Variants in PTPRD observed in about 807,000 individuals in gnomAD.
The protein encoded by PTPRD is protein tyrosine phosphatase receptor type D.
Under a neutral mutation model 214.5 loss-of-function variants are expected in PTPRD, and 34 were observed. The observed-to-expected ratio is 0.16, with a 90% CI of 0.12 to 0.21. The LOEUF (loss-of-function observed/expected upper bound fraction) is 0.21. PTPRD is among the 10% of genes least tolerant of loss of function. The probability of loss-of-function intolerance (pLI) is 1.00; values close to 1 mark genes in which losing one functional copy is unlikely to be tolerated. For missense variants in PTPRD, 2,545 were observed against 2,398.7 expected, an observed-to-expected ratio of 1.06 and a Z score of -1.27; for synonymous variants, 1,128 against 845.7, an observed-to-expected ratio of 1.33 and a Z score of -5.79.
At chr9:8,779,175 C>G (rs2095599959) in intron 11 of PTPRD, among the ~76,000 whole-genome samples, 1 of 152,178 alleles carries the variant, frequency 6.6e-6, no homozygotes, top group Non-Finnish European at 1.5e-5. Context: ...AGAAAAATAA[C>G]AGCAGGAAGA....
At chr9:9,100,843 A>G (rs1339242630) in intron 10 of PTPRD, among the ~76,000 whole-genome samples, 1 of 152,134 alleles carries the variant, frequency 6.6e-6, no homozygotes, top group African/African-American at 2.4e-5. Context: ...CTGATCTCAT[A>G]TTATATTATT....
chr9:8,362,448 G>T (rs7852200), intron 39 of PTPRD, among the ~76,000 whole-genome samples: 6,303 of 152,186 alleles, frequency 0.041, 428 homozygotes, highest in African/African-American at 0.14. Flanking sequence ...GATTGTAGAG[G>T]AGGATTTTTG....
At chr9:10,046,479 T>C (rs966811060) in intron 3 of PTPRD, among the ~76,000 whole-genome samples, 26 of 151,870 alleles carry the variant, frequency 1.7e-4, no homozygotes, top group African/African-American at 5.6e-4. Flanking sequence ...TAAAAAATTA[T>C]TTTTCAAAAT....
chr9:8,421,264 T>C (rs181756831), intron 35 of PTPRD, among the ~76,000 whole-genome samples: 95 of 152,280 alleles, frequency 6.2e-4, no homozygotes, highest in African/African-American at 2.2e-3. Flanking sequence ...CTCCTCCCTC[T>C]TTCTCTCATT....
At chr9:10,033,639 C>G (rs2097125219) in intron 4 of PTPRD, 79 bp downstream of exon 4, 1 of 151,928 alleles carries the variant, frequency 6.6e-6, no homozygotes, top group Admixed American at 6.6e-5. Context: ...TTGAATCATG[C>G]TAGTTTTACC....
chr9:10,156,668 G>C (rs975364428), intron 3 of PTPRD, among the ~76,000 whole-genome samples: 2 of 152,150 alleles, frequency 1.3e-5, no homozygotes, highest in African/African-American at 4.8e-5. Flanking sequence ...TCAGTGCTGA[G>C]TTCAGGTCCT....
intron 7 of PTPRD, among the ~76,000 whole-genome samples, chr9:9,677,112 G>A (rs2096949064): frequency 6.6e-6 from 1 of 152,056 alleles, no homozygotes; most frequent in Non-Finnish European, 1.5e-5. Context: ...CTTTTGATGT[G>A]CAGAAGCTCT....
chr9:9,078,499 C>T (rs2099754305), intron 10 of PTPRD, among the ~76,000 whole-genome samples: 1 of 152,056 alleles, frequency 6.6e-6, no homozygotes, highest in African/African-American at 2.4e-5. Context: ...ACTTTGAATT[C>T]TTCCATTGCT....
At chr9:9,429,718 T>G (rs1029425138) in intron 8 of PTPRD, among the ~76,000 whole-genome samples, 3 of 152,194 alleles carry the variant, frequency 2.0e-5, no homozygotes, top group African/African-American at 7.2e-5. Context: ...CAAGTGGGCT[T>G]CATCCCTGGA....
intron 12 of PTPRD, among the ~76,000 whole-genome samples, chr9:8,714,466 G>C (rs1461778259): frequency 2.0e-5 from 3 of 152,056 alleles, no homozygotes; most frequent in Non-Finnish European, 4.4e-5. Flanking sequence ...AAATACTCCT[G>C]TTGCTTCCAG....
intron 5 of PTPRD, among the ~76,000 whole-genome samples, chr9:9,900,641 G>GTGTTTTTTTTTTTTTTT (rs1555302232): frequency 6.7e-5 from 8 of 120,084 alleles, no homozygotes; most frequent in African/African-American, 2.2e-4. Context: ...ACATTTTCAG[G>GTGTTTTTTTTTTTTTTT]TTTTTTTTTT....
At chr9:9,490,635 G>T (rs1363758559) in intron 8 of PTPRD, among the ~76,000 whole-genome samples, 2 of 151,964 alleles carry the variant, frequency 1.3e-5, no homozygotes, top group Non-Finnish European at 2.9e-5. Context: ...TCTATGTCAT[G>T]AAGTTAAGCT....
At chr9:8,656,915 T>C (rs537912125) in intron 12 of PTPRD, among the ~76,000 whole-genome samples, 1 of 152,242 alleles carries the variant, frequency 6.6e-6, no homozygotes, top group South Asian at 2.1e-4. Flanking sequence ...CACCCTGAAA[T>C]CACATAGCTT....
chr9:8,858,850 G>T (rs983599648), intron 11 of PTPRD, among the ~76,000 whole-genome samples: 8 of 141,176 alleles, frequency 5.7e-5, no homozygotes, highest in African/African-American at 7.6e-5. Context: ...CAGACACACA[G>T]ACACACACAC....
chr9:9,063,313 G>A (rs187346640), intron 10 of PTPRD, among the ~76,000 whole-genome samples: 2 of 152,148 alleles, frequency 1.3e-5, no homozygotes, highest in African/African-American at 2.4e-5. Context: ...TCATGCCTAA[G>A]AAGGTAAAAA....
At chr9:10,342,572 C>G (rs1249033629) in intron 2 of PTPRD, among the ~76,000 whole-genome samples, 5 of 152,002 alleles carry the variant, frequency 3.3e-5, no homozygotes, top group Admixed American at 1.3e-4. Context: ...TTGAATTAAT[C>G]TAAAAATAAA....
intron 8 of PTPRD, among the ~76,000 whole-genome samples, chr9:9,419,212 C>G (rs1299310300): frequency 6.6e-6 from 1 of 150,612 alleles, no homozygotes; most frequent in Non-Finnish European, 1.5e-5. Context: ...TATCATTTAT[C>G]TGTAACATAA....
chr9:9,702,902 C>T (rs894891713), intron 7 of PTPRD, among the ~76,000 whole-genome samples: 3 of 152,026 alleles, frequency 2.0e-5, no homozygotes, highest in African/African-American at 7.3e-5. Flanking sequence ...GTGAAAAATC[C>T]GTAAAGCCAA....
intron 3 of PTPRD, among the ~76,000 whole-genome samples, chr9:10,329,819 T>A (rs978182028): frequency 1.1e-4 from 17 of 151,868 alleles, no homozygotes; most frequent in African/African-American, 3.9e-4. Context: ...TGTGATATTG[T>A]ATACATGTTT....
Sources: allele counts gnomAD v4.1 joint callset (sites outside exome capture counted in the v4.1 genomes callset), GRCh38; gene constraint gnomAD v4.1.1; transcripts MANE v1.5; gene names NCBI Gene and HGNC (gene_info 2026-07-23, HGNC 2026-07-21).